SERINC1: variants seen among roughly 807,000 people sequenced by gnomAD.
SERINC1 encodes the protein serine incorporator 1, also known as tumor differentially expressed protein 2.
Under a neutral mutation model 52.9 loss-of-function variants are expected in SERINC1, and 38 were observed. The observed-to-expected ratio is 0.72, with a 90% CI of 0.55 to 0.94. The LOEUF (loss-of-function observed/expected upper bound fraction) is 0.94, where lower values mean the gene tolerates loss of function less well. Ranked by LOEUF, SERINC1 falls within the 40% of genes least tolerant of loss-of-function variation. The probability of loss-of-function intolerance (pLI) is 0.00; values close to 1 mark genes in which losing one functional copy is unlikely to be tolerated. For synonymous variants in SERINC1, 198 were observed against 183.1 expected (o/e 1.08, Z -0.66); for missense variants, 471 against 533.9 (o/e 0.88, Z 1.16).
At chr6:122,471,593 T>C (rs929930883) in intron 1 of SERINC1, 106 bp downstream of exon 1, 3 of 1,374,178 alleles carry the variant, frequency 2.2e-6, no homozygotes, top group Admixed American at 1.8e-5. Flanking sequence ...GCACTCCCTG[T>C]TGGGTGGGGC....
chr6:122,449,161 T>C (rs1482989124), intron 7 of SERINC1, among the ~76,000 whole-genome samples: 2 of 152,286 alleles, frequency 1.3e-5, no homozygotes, highest in East Asian at 1.9e-4. Flanking sequence ...CACAACCATA[T>C]GGAAATTAGG....
intron 1 of SERINC1, among the ~76,000 whole-genome samples, chr6:122,466,362 A>C (rs1040425722): frequency 3.3e-5 from 5 of 152,092 alleles, no homozygotes; most frequent in South Asian, 4.1e-4. Flanking sequence ...TGTAGGCTTT[A>C]CTAGAGTGCA....
At chr6:122,461,488 T>G (rs1247860218) in intron 1 of SERINC1, among the ~76,000 whole-genome samples, 1 of 127,230 alleles carries the variant, frequency 7.9e-6, no homozygotes, top group Non-Finnish European at 1.6e-5. Context: ...AAGGGGAATA[T>G]CATACTCTGG....
At chr6:122,448,000 G>A (rs932284214) in intron 7 of SERINC1, among the ~76,000 whole-genome samples, 5 of 151,782 alleles carry the variant, frequency 3.3e-5, no homozygotes, top group African/African-American at 1.2e-4. Context: ...TGTAGTCCCA[G>A]CTACTCGGGA....
intron 1 of SERINC1, among the ~76,000 whole-genome samples, chr6:122,463,581 C>T (rs1471557010): frequency 6.6e-6 from 1 of 151,988 alleles, no homozygotes; most frequent in Non-Finnish European, 1.5e-5. Flanking sequence ...ATATAGACAG[C>T]AAATAAGCAA....
At chr6:122,452,918 C>T (rs1329981856) in intron 5 of SERINC1, among the ~76,000 whole-genome samples, 1 of 152,130 alleles carries the variant, frequency 6.6e-6, no homozygotes, top group Non-Finnish European at 1.5e-5. Context: ...CCAGCAGACA[C>T]ACTGGATTTG....
chr6:122,469,437 C>T (rs552332424), intron 1 of SERINC1, among the ~76,000 whole-genome samples: 1 of 150,556 alleles, frequency 6.6e-6, no homozygotes, highest in Admixed American at 6.6e-5. Context: ...AGTGCAGTGG[C>T]GCCATCTTGG....
chr6:122,446,755 T>C lies in SERINC1; in HGVS notation c.1226+19A>G, dbSNP rs1774811432. 2 of 1,530,346 alleles carry C rather than the reference T, an allele frequency of 1.3e-6. No homozygotes were observed. Among genetic ancestry groups the C allele is most frequent in the African/African-American group, 1.4e-5 (1 of 73,112 alleles). 94.8% of individuals were successfully genotyped at this position (1,530,346 alleles called of 1,614,324 possible). A position where few individuals can be genotyped will look rare whatever the true frequency, so the allele number is the denominator to read the frequency against. Reference sequence around the variant, plus strand: ...CCATCAGAATTCACACATCCAGAGTTTTCATGAAATATAAATACCTGTACC... The same window carrying C: ...CCATCAGAATTCACACATCCAGAGTCTTCATGAAATATAAATACCTGTACC... On this transcript the variant is annotated intron_variant, in intron 9 of 9. Coordinates refer to ENST00000339697, the MANE Select transcript of SERINC1 (RefSeq NM_020755.4).
At chr6:122,454,090 C>A (rs1774957612) in intron 4 of SERINC1, 61 bp downstream of exon 4, 5 of 1,238,682 alleles carry the variant, frequency 4.0e-6, no homozygotes, top group Non-Finnish European at 4.6e-6. Flanking sequence ...TTCCAGGTGA[C>A]AATTATTTCA....
chr6:122,457,836 A>G (rs9401543), intron 2 of SERINC1, among the ~76,000 whole-genome samples: 21,468 of 151,016 alleles, frequency 0.14, 1,623 homozygotes, highest in East Asian at 0.26. Flanking sequence ...TGTACACGAT[A>G]CAATACCACC....
intron 1 of SERINC1, among the ~76,000 whole-genome samples, chr6:122,466,740 C>T (rs1030871670): frequency 7.2e-5 from 11 of 151,990 alleles, no homozygotes; most frequent in East Asian, 1.9e-4. Context: ...CTCAGAAAGC[C>T]GTGCAAAAAG....
Position 122,458,615 on chromosome 6 carries a change from T to C in SERINC1, c.106A>G (p.Thr36Ala), listed in dbSNP as rs745408354. The C allele has an allele frequency of 9.9e-6, 16 of 1,612,636 alleles. No individual in the cohort carries two copies. Among genetic ancestry groups the C allele is most frequent in the Non-Finnish European group, 1.2e-5 (14 of 1,178,864 alleles). The change falls in exon 2 of 10, where the codon ACT becomes GCT. Residue 36 changes from threonine to alanine, a missense_variant. Physicochemically the swap from Thr to Ala is moderately conservative, Grantham distance 58 (BLOSUM62 0). Coordinates refer to ENST00000339697, the MANE Select transcript of SERINC1 (RefSeq NM_020755.4). ...CRCCPSGNNS[T>A]VTRLIYALFL... ...AGTGCATAGATCAATCTAGTTACAG[T>C]GGAGTTGTTTCCACTAGGACAGCAT...
rs570576793 is a variant in SERINC1, at chr6:122,449,027, C to T, written c.851-1762G>A. ...ATTATGTTACTATTGTAATTTCTTT[C>T]GGGCACCACAAATCACACCCATATA... On this transcript the variant is annotated intron_variant, in intron 7 of 9. Transcript: ENST00000339697. Among the ~76,000 whole-genome samples, 4 of 152,126 alleles carry T rather than the reference C, an allele frequency of 2.6e-5. No homozygotes were observed. The South Asian group carries it at 6.2e-4, about 24-fold the overall frequency.
intron 4 of SERINC1, 116 bp downstream of exon 4, chr6:122,454,035 A>AAC (rs555419728): frequency 2.1e-5 from 23 of 1,097,286 alleles, no homozygotes; most frequent in South Asian, 6.2e-5. Context: ...CAACTGGGGA[A>AAC]ACACACACAC....
At chr6:122,468,702 G>T (rs1045661767) in intron 1 of SERINC1, among the ~76,000 whole-genome samples, 4 of 152,102 alleles carry the variant, frequency 2.6e-5, no homozygotes, top group African/African-American at 7.2e-5. Flanking sequence ...ATTTTGGGGG[G>T]ACATTTTTAT....
intron 3 of SERINC1, among the ~76,000 whole-genome samples, chr6:122,455,133 T>A (rs1774973940): frequency 6.6e-6 from 1 of 152,156 alleles, no homozygotes; most frequent in Non-Finnish European, 1.5e-5. Flanking sequence ...TGTATACGGG[T>A]TCAAGTTGAC....
chr6:122,471,700 C>G lies in SERINC1; in HGVS notation c.38G>C (p.Trp13Ser). ...SVLGLCSMAS[W>S]IPCLCGSAPC... ...CAGAGGCCGCAAAAAGCACCTTACC[C>G]AGCTCGCCATGGAGCACAGCCCCAG... The change falls in exon 1 of 10, where the codon TGG becomes TCG. Residue 13 changes from tryptophan to serine, a missense_variant and splice_region_variant. By Grantham distance (177) the Trp-to-Ser change is radical. Coordinates refer to ENST00000339697, the MANE Select transcript of SERINC1 (RefSeq NM_020755.4). 6.2e-7 allele frequency: 1 copy of G among 1,614,196 alleles called. No individual in the cohort carries two copies. The highest frequency in any genetic ancestry group is 1.1e-5 in the South Asian group (1 of 91,082).
At chr6:122,454,324 C>A in intron 3 of SERINC1, 94 bp from the exon 4 acceptor site, 1 of 670,518 alleles carries the variant, frequency 1.5e-6, no homozygotes, top group Non-Finnish European at 2.6e-6. Context: ...CAAATAGCTA[C>A]ACTTTATGTG....
intron 2 of SERINC1, among the ~76,000 whole-genome samples, chr6:122,457,705 G>C (rs879437493): frequency 1.3e-5 from 2 of 151,732 alleles, no homozygotes; most frequent in Non-Finnish European, 2.9e-5. Flanking sequence ...CCCTGATCTC[G>C]GACTTTCAGC....
Sources: gnomAD v4.1 joint callset for allele counts (sites outside exome capture counted in the v4.1 genomes callset) on GRCh38, gnomAD v4.1.1 for gene constraint, MANE v1.5 for transcripts, NCBI Gene and HGNC (gene_info 2026-07-23, HGNC 2026-07-21) for gene names.